Variants in CD200 observed in about 807,000 individuals in gnomAD.
CD200 encodes the protein OX-2 membrane glycoprotein.
In CD200, 15 loss-of-function variants were observed where a neutral mutation model predicts 30.9. The observed-to-expected ratio is 0.49, with a 90% CI of 0.32 to 0.75. The LOEUF (loss-of-function observed/expected upper bound fraction) is 0.75, where lower values mean the gene tolerates loss of function less well. Among genes scored for constraint, CD200 ranks in the 30% least tolerant of loss-of-function variants. The probability of loss-of-function intolerance (pLI) is 0.03; values close to 1 mark genes in which losing one functional copy is unlikely to be tolerated. For synonymous variants in CD200, 134 were observed against 126.2 expected (o/e 1.06, Z -0.41); for missense variants, 262 against 324.2 (o/e 0.81, Z 1.47).
At chr3:112,341,757 A>T (rs2081243520) in intron 2 of CD200, among the ~76,000 whole-genome samples, 1 of 152,232 alleles carries the variant, frequency 6.6e-6, no homozygotes, top group Middle Eastern at 3.4e-3. Flanking sequence ...GAAAAAAAAA[A>T]CTCATCTAAG....
In CD200 at chr3:112,340,792, G is replaced by A. The variant is rs574142801; in HGVS notation, c.13-110G>A. 69 of 701,142 alleles carry A rather than the reference G, an allele frequency of 9.8e-5. No homozygotes were observed. The African/African-American group carries it at 1.1e-3, about 11-fold the overall frequency. The allele number at this position is 701,142 out of a possible 1,614,324, so 43.4% of individuals were successfully genotyped here. Reference sequence around the variant, plus strand: ...GCTCCCACAAAACCAAAATTCTCTGGGGGGTAAAAACTTAGCTACAACATT... The same window carrying A: ...GCTCCCACAAAACCAAAATTCTCTGAGGGGTAAAAACTTAGCTACAACATT... On this transcript the variant is annotated intron_variant, in intron 1 of 5. Coordinates refer to ENST00000315711, the MANE Select transcript of CD200 (RefSeq NM_005944.7).
At position 112,340,954 on chromosome 3, in the gene CD200, T is replaced by C. The variant is rs779723917; in HGVS notation, c.65T>C (p.Met22Thr). 4 of 1,612,492 alleles carry C rather than the reference T, an allele frequency of 2.5e-6. No homozygotes were observed. Among genetic ancestry groups the C allele is most frequent in the Non-Finnish European group, 3.4e-6 (4 of 1,178,532 alleles). ...TCTACCTACAGCCTGGTTTGGGTCA[T>C]GGCAGCAGTGGTGCTGTGCACAGCA... ...HLSTYSLVWV[M>T]AAVVLCTAQV... The change falls in exon 2 of 6, where the codon ATG becomes ACG. Residue 22 changes from methionine to threonine, a missense_variant. Met to Thr is a moderately conservative substitution (Grantham distance 81). Transcript: ENST00000315711.
At chr3:112,349,992 G>C (rs2081500411) in intron 5 of CD200, 173 bp downstream of exon 5, 5 of 983,636 alleles carry the variant, frequency 5.1e-6, no homozygotes, top group South Asian at 4.7e-5. Flanking sequence ...GCATTTTCTT[G>C]CAATTGGACA....
At chr3:112,349,851 A>G in intron 5 of CD200, 32 bp downstream of exon 5, 2 of 1,566,108 alleles carry the variant, frequency 1.3e-6, no homozygotes, top group Non-Finnish European at 1.7e-6. Context: ...AAAAAATGAC[A>G]TAAATTAAAT....
intron 1 of CD200, among the ~76,000 whole-genome samples, chr3:112,338,392 A>C (rs2081166386): frequency 6.6e-6 from 1 of 152,192 alleles, no homozygotes; most frequent in South Asian, 2.1e-4. Context: ...GCATTCCTTC[A>C]TGTTTTTTTT....
At chr3:112,336,474 T>C (rs763618357) in intron 1 of CD200, among the ~76,000 whole-genome samples, 29 of 151,256 alleles carry the variant, frequency 1.9e-4, no homozygotes, top group Non-Finnish European at 3.4e-4. Context: ...AGCAGGGAAG[T>C]CATTGTATCT....
At chr3:112,355,417 G>A (rs749398623) in intron 5 of CD200, among the ~76,000 whole-genome samples, 1 of 151,844 alleles carries the variant, frequency 6.6e-6, no homozygotes, top group Non-Finnish European at 1.5e-5. Flanking sequence ...CTCAGTTCTT[G>A]CATATTTCCT....
chr3:112,343,416 G>C (rs1416750745), intron 2 of CD200, among the ~76,000 whole-genome samples: 7 of 151,918 alleles, frequency 4.6e-5, no homozygotes, highest in Non-Finnish European at 8.8e-5. Flanking sequence ...CAATCTTCCT[G>C]TCCTATGCTC....
chr3:112,333,693 G>T (rs1343552034), intron 1 of CD200: 6 of 985,312 alleles, frequency 6.1e-6, no homozygotes, highest in African/African-American at 1.7e-5. Flanking sequence ...TTCCAGGCTC[G>T]CTTTCTCCGG....
rs527925426 is a variant in CD200 at position 112,361,627 on chromosome 3, G to A, written c.*77G>A. ...ACAAGAGAAAAGCAGGAGGAAAAGG[G>A]GCCATTCTCCAAAGGACCTGAAAGA... On this transcript the variant is annotated 3_prime_UTR_variant, in exon 6 of 6. Transcript: ENST00000315711. 1.5e-6 allele frequency: 2 copies of A among 1,337,138 alleles called. No homozygotes were observed. The highest frequency in any genetic ancestry group is 3.4e-5 in the Admixed American group (2 of 59,506). The allele number at this position is 1,337,138 out of a possible 1,614,324, so 82.8% of individuals were successfully genotyped here.
In CD200 at chr3:112,349,804, C is replaced by G. The variant is rs929133602; in HGVS notation, c.787C>G (p.Arg263Gly). 1 of 1,609,380 alleles carries G rather than the reference C, an allele frequency of 6.2e-7. No homozygotes were observed. The highest frequency in any genetic ancestry group is 8.5e-7 in the Non-Finnish European group (1 of 1,177,904). The change falls in exon 5 of 6, where the codon CGG (arginine) becomes GGG (glycine). Residue 263 changes from arginine (R) to glycine (G), a missense_variant. Transcript: ENST00000315711. ...ISILLYWKRHRNQDREP is the reference protein window; with the variant it reads ...ISILLYWKRHGNQDREP ...AATCTTACTGTACTGGAAACGTCAC[C>G]GGAATCAGGACCGAGGTGAGTTGTC...
Position 112,345,130 on chromosome 3 carries a change from C to T in CD200, c.263C>T (p.Pro88Leu). Residue 88 changes from proline to leucine, a missense_variant, in exon 3 of 6, where the codon CCT (proline) becomes CTT (leucine). Physicochemically the swap from Pro to Leu is moderately conservative, Grantham distance 98. Transcript: ENST00000315711. The part of the protein sequence containing the change: ...FSENHGVVIQ[P>L]AYKDKINITQ... ...GAGAACCATGGGGTGGTGATCCAGC[C>T]TGCCTATAAGGACAAGATAAACATT... 6.2e-7 allele frequency: 1 copy of T among 1,614,056 alleles called. No homozygotes were observed. The highest frequency in any genetic ancestry group is 8.5e-7 in the Non-Finnish European group (1 of 1,179,998).
chr3:112,347,906 G>A, intron 4 of CD200, 76 bp downstream of exon 4: 1 of 1,320,974 alleles, frequency 7.6e-7, no homozygotes, highest in South Asian at 1.3e-5. Context: ...GTCCTGCAGA[G>A]GTTTTCAGCC....
chr3:112,359,172 G>A lies in CD200; in HGVS notation c.803-2371G>A, dbSNP rs555879613. ...TATAGAAACTTTATTTTAGAGAAAG[G>A]AAAAACTTCTTCAGACCAGATGCAG... On this transcript the variant is annotated intron_variant, in intron 5 of 5. Coordinates refer to ENST00000315711, the MANE Select transcript of CD200 (RefSeq NM_005944.7). 1.1e-4 allele frequency among the ~76,000 whole-genome samples: 16 copies of A among 152,156 alleles called. No individual in the cohort carries two copies. In the East Asian group the frequency reaches 3.1e-3, roughly 29 times the overall value.
In CD200 at chr3:112,343,473, T is replaced by C. The variant is rs190067574; in HGVS notation, c.95-1489T>C. On this transcript the variant is annotated intron_variant, in intron 2 of 5. Coordinates refer to ENST00000315711, the MANE Select transcript of CD200 (RefSeq NM_005944.7). ...TACATGACGCTACGGCTGGCTAATT[T>C]TTACATTTCTTGTAGAGATAAGGGT... Among the ~76,000 whole-genome samples the C allele has an allele frequency of 1.8e-4, 28 of 152,200 alleles. No individual in the cohort carries two copies. In the East Asian group the frequency reaches 5.2e-3, roughly 28 times the overall value.
At chr3:112,333,911 C>T (rs1045156327) in intron 1 of CD200, 1 of 985,280 alleles carries the variant, frequency 1.0e-6, no homozygotes, top group Non-Finnish European at 1.2e-6. Context: ...AGACAAAAAA[C>T]GGAGAAGGTT....
chr3:112,361,454 T>C lies in CD200; in HGVS notation c.803-89T>C. On this transcript the variant is annotated intron_variant, in intron 5 of 5. Coordinates refer to ENST00000315711, the MANE Select transcript of CD200 (RefSeq NM_005944.7). Reference sequence around the variant, plus strand: ...ATACACTAGAATAACTCTGTGTTTCTTAATCTCTCTATTATTTATCTTCTT... The same window carrying C: ...ATACACTAGAATAACTCTGTGTTTCCTAATCTCTCTATTATTTATCTTCTT... The C allele has an allele frequency of 2.9e-6, 3 of 1,038,860 alleles. No homozygotes were observed. The Admixed American group carries it at 5.1e-5, about 18-fold the overall frequency. 64.4% of individuals were successfully genotyped at this position (1,038,860 alleles called of 1,614,324 possible). A position where few individuals can be genotyped will look rare whatever the true frequency, so the allele number is the denominator to read the frequency against.
At position 112,349,755 on chromosome 3, in the gene CD200, G is replaced by A; in HGVS notation, c.738G>A (p.Leu246=). ...SVPLLLSIVS[L]VILLVLISIL... ...CGCTATTGCTAAGCATTGTTTCCCT[G>A]GTAATTCTTCTCGTCCTAATCTCAA... Residue 246 remains leucine (L), a synonymous_variant, in exon 5 of 6, where the codon CTG becomes CTA. Coordinates refer to ENST00000315711, the MANE Select transcript of CD200 (RefSeq NM_005944.7). 3 of 1,611,816 alleles carry A rather than the reference G, an allele frequency of 1.9e-6. No individual in the cohort carries two copies. The highest frequency in any genetic ancestry group is 2.5e-6 in the Non-Finnish European group (3 of 1,178,838).
chr3:112,347,414 C>T, intron 3 of CD200, 144 bp from the exon 4 acceptor site: 2 of 799,266 alleles, frequency 2.5e-6, no homozygotes, highest in Non-Finnish European at 4.0e-6. Context: ...CTGGAAAGTC[C>T]CCAGTTTGGG....
Sources: gnomAD v4.1 joint callset for allele counts (sites outside exome capture counted in the v4.1 genomes callset) on GRCh38, gnomAD v4.1.1 for gene constraint, MANE v1.5 for transcripts, NCBI Gene and HGNC (gene_info 2026-07-23, HGNC 2026-07-21) for gene names.